The following GPR139 variants were observed in gnomAD, a reference collection of about 807,000 sequenced individuals.
The protein encoded by GPR139 is G protein-coupled receptor 139.
In GPR139, 12 loss-of-function variants were observed where a neutral mutation model predicts 25.8. The observed-to-expected ratio is 0.47, with a 90% CI of 0.30 to 0.75. The LOEUF (loss-of-function observed/expected upper bound fraction) is 0.75. Ranked by LOEUF, GPR139 falls within the 30% of genes least tolerant of loss-of-function variation. The pLI is 0.07. For missense variants in GPR139, 380 were observed against 450.2 expected, an observed-to-expected ratio of 0.84 and a Z score of 1.41; for synonymous variants, 184 against 179.9, an observed-to-expected ratio of 1.02 and a Z score of -0.18.
intron 1 of GPR139, among the ~76,000 whole-genome samples, chr16:20,036,364 A>G (rs2057310131): frequency 6.6e-6 from 1 of 152,198 alleles, no homozygotes; most frequent in African/African-American, 2.4e-5. Context: ...TTTATTCAGT[A>G]TTTCTGTGCC....
At chr16:20,055,636 A>T (rs1756676818) in intron 1 of GPR139, among the ~76,000 whole-genome samples, 2 of 152,244 alleles carry the variant, frequency 1.3e-5, no homozygotes, top group South Asian at 4.1e-4. Flanking sequence ...GACAGCCTTT[A>T]CCATTCTATC....
chr16:20,056,379 C>T (rs1259853054), intron 1 of GPR139, among the ~76,000 whole-genome samples: 1 of 152,216 alleles, frequency 6.6e-6, no homozygotes, highest in Admixed American at 6.5e-5. Flanking sequence ...GTAGCTATCA[C>T]AATTTACAAA....
At chr16:20,056,194 C>G (rs906139839) in intron 1 of GPR139, among the ~76,000 whole-genome samples, 1 of 152,196 alleles carries the variant, frequency 6.6e-6, no homozygotes, top group African/African-American at 2.4e-5. Flanking sequence ...GCACTGCTCC[C>G]CAACCCAAGA....
At chr16:20,059,286 A>G (rs1297169131) in intron 1 of GPR139, among the ~76,000 whole-genome samples, 2 of 152,150 alleles carry the variant, frequency 1.3e-5, no homozygotes, top group African/African-American at 4.8e-5. Flanking sequence ...TTCTTGCAGC[A>G]TGTAAGAAGT....
intron 1 of GPR139, among the ~76,000 whole-genome samples, chr16:20,063,845 G>A (rs903414189): frequency 6.6e-6 from 1 of 152,124 alleles, no homozygotes; most frequent in Admixed American, 6.5e-5. Context: ...GTATTAGTAC[G>A]TTCTCACACT....
chr16:20,045,784 G>A (rs1203085578), intron 1 of GPR139, among the ~76,000 whole-genome samples: 1 of 152,140 alleles, frequency 6.6e-6, no homozygotes, highest in African/African-American at 2.4e-5. Context: ...TTTCAATAGC[G>A]AATGATGCTC....
chr16:20,069,810 G>A (rs1056435062), intron 1 of GPR139, among the ~76,000 whole-genome samples: 6 of 152,138 alleles, frequency 3.9e-5, no homozygotes, highest in African/African-American at 1.2e-4. Flanking sequence ...AGGGGCTCAA[G>A]TTCATCATTT....
chr16:20,030,940 A>C lies in GPR139; in HGVS notation c.*795T>G, dbSNP rs1193946488. 6.6e-6 allele frequency among the ~76,000 whole-genome samples: 1 copy of C among 152,200 alleles called. No individual in the cohort carries two copies. Among genetic ancestry groups the C allele is most frequent in the African/African-American group, 2.4e-5 (1 of 41,450 alleles). On this transcript the variant is annotated 3_prime_UTR_variant, in exon 2 of 2. Transcript: ENST00000570682. ...GCAGCTGACACAGGGATGGGTTGAA[A>C]CAATGGCAAGTGTGGGCTTATTTTT...
chr16:20,030,956 G>T lies in GPR139; in HGVS notation c.*779C>A, dbSNP rs1458076829. 1.3e-5 allele frequency among the ~76,000 whole-genome samples: 2 copies of T among 152,188 alleles called. No homozygotes were observed. The highest frequency in any genetic ancestry group is 2.4e-5 in the African/African-American group (1 of 41,424). On this transcript the variant is annotated 3_prime_UTR_variant, in exon 2 of 2. Coordinates refer to ENST00000570682, the MANE Select transcript of GPR139 (RefSeq NM_001002911.4). ...TGGGTTGAAACAATGGCAAGTGTGG[G>T]CTTATTTTTTTGTTTTTCTGGGCTC...
intron 1 of GPR139, among the ~76,000 whole-genome samples, chr16:20,056,099 A>T (rs768472038): frequency 6.6e-6 from 1 of 152,194 alleles, no homozygotes; most frequent in African/African-American, 2.4e-5. Context: ...AAATGAGGGG[A>T]TGTGGTGGTG....
intron 1 of GPR139, among the ~76,000 whole-genome samples, chr16:20,064,308 AGGTG>A (rs1476056371): frequency 2.6e-5 from 4 of 152,188 alleles, no homozygotes; most frequent in African/African-American, 9.7e-5. Flanking sequence ...TGGGAAGCCG[AGGTG>A]GGTGGATCAC....
At chr16:20,061,240 T>C (rs1312053959) in intron 1 of GPR139, among the ~76,000 whole-genome samples, 1 of 151,402 alleles carries the variant, frequency 6.6e-6, no homozygotes, top group Non-Finnish European at 1.5e-5. Flanking sequence ...GATGGATGGA[T>C]GGATGGATGG....
At chr16:20,037,453 GAA>G (rs139528395) in intron 1 of GPR139, among the ~76,000 whole-genome samples, 2,314 of 118,728 alleles carry the variant, frequency 0.019, 76 homozygotes, top group African/African-American at 0.063. Context: ...CTCTGTCTCA[GAA>G]AAAAAAAAAA....
At chr16:20,043,938 C>G (rs573381733) in intron 1 of GPR139, among the ~76,000 whole-genome samples, 3 of 149,998 alleles carry the variant, frequency 2.0e-5, no homozygotes, top group Non-Finnish European at 4.4e-5. Flanking sequence ...TCCAGATGAG[C>G]CTTCTAGATC....
chr16:20,039,014 AAGC>A (rs1460973712), intron 1 of GPR139, among the ~76,000 whole-genome samples: 1 of 152,190 alleles, frequency 6.6e-6, no homozygotes, highest in Non-Finnish European at 1.5e-5. Flanking sequence ...AATCCCATCC[AAGC>A]AAGCCCCGCC....
At chr16:20,046,202 A>G (rs1479919278) in intron 1 of GPR139, among the ~76,000 whole-genome samples, 8 of 152,238 alleles carry the variant, frequency 5.3e-5, no homozygotes, top group South Asian at 2.1e-4. Flanking sequence ...TCATTCTCCT[A>G]TGAAGACAAG....
At chr16:20,041,116 GAAA>G (rs2057328704) in intron 1 of GPR139, among the ~76,000 whole-genome samples, 4 of 3,800 alleles carry the variant, frequency 1.1e-3, no homozygotes, top group African/African-American at 7.2e-3. Flanking sequence ...ACCCAGAAAG[GAAA>G]GGAAAGGAAA....
chr16:20,048,684 A>G lies in GPR139; in HGVS notation c.128-16015T>C, dbSNP rs140634497. ...ACAGCCAACTGTGGTCAGGTCTTCC[A>G]GTGTTTCAGGAGAGGCTTGCAAGCA... On this transcript the variant is annotated intron_variant, in intron 1 of 1. Coordinates refer to ENST00000570682, the MANE Select transcript of GPR139 (RefSeq NM_001002911.4). Among the ~76,000 whole-genome samples the G allele has an allele frequency of 2.6e-3, 391 of 152,292 alleles. 3 individuals carry two copies. The highest frequency in any genetic ancestry group is 6.3e-3 in the African/African-American group (260 of 41,564).
chr16:20,038,329 ATGTGTGTGTGTG>A (rs1555465698), intron 1 of GPR139, among the ~76,000 whole-genome samples: 36 of 95,954 alleles, frequency 3.8e-4, no homozygotes, highest in African/African-American at 1.1e-3. Flanking sequence ...TAATATATAT[ATGTGTGTGTGTG>A]TGTGTGTGTG....
Sources: allele counts gnomAD v4.1 joint callset (sites outside exome capture counted in the v4.1 genomes callset), GRCh38; gene constraint gnomAD v4.1.1; transcripts MANE v1.5; gene names NCBI Gene and HGNC (gene_info 2026-07-23, HGNC 2026-07-21).